The following CCDC196 variants were observed in gnomAD, a reference collection of about 807,000 sequenced individuals.
The protein encoded by CCDC196 is coiled-coil domain containing 196, also known as coiled-coil domain-containing protein 196.
At chr14:66,492,674 T>C (rs1039824984) in intron 8 of CCDC196, 2 of 152,516 alleles carry the variant, frequency 1.3e-5, no homozygotes, top group Non-Finnish European at 2.9e-5. Flanking sequence ...GCTTCTTTAC[T>C]AAGGCAAAGA....
Position 66,487,388 on chromosome 14 carries a change from T to C in CCDC196, c.203+579T>C, listed in dbSNP as rs1468720927. The stretch of plus-strand genomic sequence containing the variant: ...TATCATAAGCATCTCAAAGGACTCA[T>C]ATTTTTGGAGAACAAAACGCAGGCA... On this transcript the variant is annotated intron_variant, in intron 2 of 9. Transcript: ENST00000636229. Among the ~76,000 whole-genome samples, 4 of 152,114 alleles carry C rather than the reference T, an allele frequency of 2.6e-5. 1 individual carries two copies. The highest frequency in any genetic ancestry group is 5.9e-5 in the Non-Finnish European group (4 of 68,010).
intron 3 of CCDC196, 26 bp downstream of exon 3, chr14:66,488,282 A>G (rs2057455242): frequency 4.9e-6 from 2 of 412,104 alleles, no homozygotes; most frequent in Non-Finnish European, 8.9e-6. Flanking sequence ...GACTCCAGGA[A>G]CAGCCTCCTG....
chr14:66,495,521 T>G (rs2057641392), intron 8 of CCDC196: 2 of 152,330 alleles, frequency 1.3e-5, no homozygotes, highest in African/African-American at 4.8e-5. Flanking sequence ...TAAAAGCATG[T>G]GACTTTTCAT....
chr14:66,489,235 T>C (rs1191273934), intron 4 of CCDC196, among the ~76,000 whole-genome samples, 198 bp downstream of exon 4: 1 of 152,246 alleles, frequency 6.6e-6, no homozygotes, highest in African/African-American at 2.4e-5. Context: ...GAAAAACCTT[T>C]ACAGCCACTA....
chr14:66,497,101 G>A (rs902841860), intron 8 of CCDC196, among the ~76,000 whole-genome samples: 1 of 152,136 alleles, frequency 6.6e-6, no homozygotes, highest in Non-Finnish European at 1.5e-5. Flanking sequence ...GAAGGGCAGG[G>A]GCGGAAAACC....
chr14:66,496,655 A>G (rs2057673960), intron 8 of CCDC196: 1 of 233,140 alleles, frequency 4.3e-6, no homozygotes. Context: ...GCAGTCACCT[A>G]TCTTAGAGAG....
intron 4 of CCDC196, 132 bp downstream of exon 4, chr14:66,489,169 T>C: frequency 2.4e-6 from 1 of 408,380 alleles, no homozygotes; most frequent in Non-Finnish European, 4.5e-6. Flanking sequence ...ATCCATTCTC[T>C]ACACAGCAGC....
intron 8 of CCDC196, among the ~76,000 whole-genome samples, chr14:66,497,416 ACACT>A (rs1160591017): frequency 6.6e-6 from 1 of 152,180 alleles, no homozygotes; most frequent in Non-Finnish European, 1.5e-5. Flanking sequence ...TGGGCATCAC[ACACT>A]CAGGAGTGCA....
chr14:66,491,978 A>C (rs2057550218), intron 7 of CCDC196, 75 bp from the exon 8 acceptor site: 1 of 410,482 alleles, frequency 2.4e-6, no homozygotes, highest in Non-Finnish European at 4.4e-6. Flanking sequence ...ACTTCTGGGT[A>C]AAGAGGATTC....
intron 4 of CCDC196, among the ~76,000 whole-genome samples, chr14:66,489,260 T>C (rs977508229): frequency 6.6e-6 from 1 of 152,226 alleles, no homozygotes; most frequent in African/African-American, 2.4e-5. Flanking sequence ...TGGCATAATC[T>C]GGCTCTTGCC....
chr14:66,496,889 T>C (rs2057679282), intron 8 of CCDC196: 1 of 152,740 alleles, frequency 6.5e-6, no homozygotes. Flanking sequence ...GCTACACTTA[T>C]AAATTCAGAT....
chr14:66,494,908 C>T (rs1400814506), intron 8 of CCDC196: 1 of 152,286 alleles, frequency 6.6e-6, no homozygotes, highest in Non-Finnish European at 1.5e-5. Flanking sequence ...CACCTATAGT[C>T]CCAGATACTC....
rs1006698057 is a variant in CCDC196 at position 66,491,686 on chromosome 14, G to T, written c.573+1G>T. On this transcript the variant is annotated splice_donor_variant, in intron 7 of 9. Transcript: ENST00000636229. LOFTEE classifies it high-confidence loss of function. ...TCAGGAACAAAATAACATCCTTCAG[G>T]TACTAAGATCTTCCAAGGCTGGATA... The T allele has an allele frequency of 2.9e-5, 12 of 413,490 alleles. No homozygotes were observed. The highest frequency in any genetic ancestry group is 1.3e-4 in the Admixed American group (3 of 22,678). The allele number at this position is 413,490 out of a possible 1,614,324, so 25.6% of individuals were successfully genotyped here.
At chr14:66,490,402 T>C (rs533637471) in intron 4 of CCDC196, among the ~76,000 whole-genome samples, 15 of 152,280 alleles carry the variant, frequency 9.9e-5, no homozygotes, top group Non-Finnish European at 2.1e-4. Flanking sequence ...TCATCTATAA[T>C]ATGGAAATAA....
At chr14:66,491,791 G>T (rs1164033514) in intron 7 of CCDC196, 106 bp downstream of exon 7, 1 of 412,216 alleles carries the variant, frequency 2.4e-6, no homozygotes, top group East Asian at 3.6e-5. Context: ...CTAGATTACC[G>T]ATTGCCCTGC....
Position 66,488,992 on chromosome 14 carries a change from G to T in CCDC196, c.306G>T (p.Arg102Ser). 2.4e-6 allele frequency: 1 copy of T among 413,230 alleles called. No individual in the cohort carries two copies. The highest frequency in any genetic ancestry group is 4.4e-6 in the Non-Finnish European group (1 of 225,992). The allele number at this position is 413,230 out of a possible 1,614,324, so 25.6% of individuals were successfully genotyped here. ...GGTTCTTCCCCCTCCAACAGGAAAG[G>T]AAAAACAAGATGCTTCGGAAGGAAA... ...EAEEMKQNLE[R>S]KNKMLRKEME... Residue 102 changes from arginine (R) to serine (S), a missense_variant, in exon 4 of 10, where the codon AGG becomes AGT. Arg to Ser is a moderately radical substitution (Grantham distance 110). Coordinates refer to ENST00000636229, the MANE Select transcript of CCDC196 (RefSeq NM_001351576.1).
In CCDC196 at chr14:66,488,211, G is replaced by A. The variant is rs1349152517; in HGVS notation, c.255G>A (p.Ser85=). ...IMAGKGCEES[S]VMELLKEAEE... ...CAGGGAAGGGGTGTGAGGAATCCTCGGTCATGGAGCTCCTTAAGGAAGCAG... is the reference window on the plus strand; with the variant it reads ...CAGGGAAGGGGTGTGAGGAATCCTCAGTCATGGAGCTCCTTAAGGAAGCAG... Residue 85 remains serine (S), a synonymous_variant, in exon 3 of 10, where the codon TCG becomes TCA. Coordinates refer to ENST00000636229, the MANE Select transcript of CCDC196 (RefSeq NM_001351576.1). The A allele has an allele frequency of 9.7e-6, 4 of 413,016 alleles. No individual in the cohort carries two copies. Among genetic ancestry groups the A allele is most frequent in the African/African-American group, 8.2e-5 (4 of 48,608 alleles). 25.6% of individuals were successfully genotyped at this position (413,016 alleles called of 1,614,324 possible). A position where few individuals can be genotyped will look rare whatever the true frequency, so the allele number is the denominator to read the frequency against.
At chr14:66,487,276 C>T (rs978301868) in intron 2 of CCDC196, among the ~76,000 whole-genome samples, 11 of 152,182 alleles carry the variant, frequency 7.2e-5, no homozygotes, top group Non-Finnish European at 2.9e-5. Flanking sequence ...TACCAGAGCA[C>T]TCACTGTACT....
intron 8 of CCDC196, among the ~76,000 whole-genome samples, chr14:66,497,695 C>T (rs553658090): frequency 1.8e-4 from 27 of 152,168 alleles, no homozygotes; most frequent in African/African-American, 6.5e-4. Flanking sequence ...CATTGCCTCC[C>T]TTCTCACCCT....
Sources: gnomAD v4.1 joint callset for allele counts (sites outside exome capture counted in the v4.1 genomes callset) on GRCh38, gnomAD v4.1.1 for gene constraint, MANE v1.5 for transcripts, NCBI Gene and HGNC (gene_info 2026-07-23, HGNC 2026-07-21) for gene names.